The following MRTFA variants were observed in gnomAD, a reference collection of about 807,000 sequenced individuals.
MRTFA encodes myocardin-related transcription factor A.
In MRTFA, 20 loss-of-function variants were observed where a neutral mutation model predicts 83.5. The ratio of observed to expected loss-of-function variants is 0.24; its 90% CI spans 0.17 to 0.35. The LOEUF (loss-of-function observed/expected upper bound fraction) is 0.35. MRTFA is among the 10% of genes least tolerant of loss of function. The pLI is 1.00. For synonymous variants in MRTFA, 659 were observed against 541.2 expected, an observed-to-expected ratio of 1.22 and a Z score of -3.02; for missense variants, 1,200 against 1,224.7, an observed-to-expected ratio of 0.98 and a Z score of 0.30.
chr22:40,484,192 CTT>C (rs2054138554), intron 3 of MRTFA, among the ~76,000 whole-genome samples: 1 of 151,860 alleles, frequency 6.6e-6, no homozygotes, highest in African/African-American at 2.4e-5. Flanking sequence ...AATTCTCACT[CTT>C]CAGTCCTAAA....
chr22:40,440,691 G>T (rs756334376), intron 4 of MRTFA, among the ~76,000 whole-genome samples: 1 of 152,078 alleles, frequency 6.6e-6, no homozygotes, highest in East Asian at 1.9e-4. Context: ...TGTGTGTCCC[G>T]CCAGCTTTGT....
intron 7 of MRTFA, among the ~76,000 whole-genome samples, chr22:40,425,299 G>T (rs1280233718): frequency 6.6e-6 from 1 of 152,254 alleles, no homozygotes; most frequent in African/African-American, 2.4e-5. Context: ...CACTGTCGTG[G>T]GAAGAGGTGG....
chr22:40,535,772 G>A (rs1296787058), intron 3 of MRTFA, among the ~76,000 whole-genome samples: 1 of 152,190 alleles, frequency 6.6e-6, no homozygotes, highest in East Asian at 1.9e-4. Flanking sequence ...GAAGATGGTA[G>A]GAAGGGCAGA....
At chr22:40,588,750 A>C (rs1338695436) in intron 2 of MRTFA, among the ~76,000 whole-genome samples, 1 of 152,190 alleles carries the variant, frequency 6.6e-6, no homozygotes, top group Non-Finnish European at 1.5e-5. Flanking sequence ...GGGAAGCCAA[A>C]GGCAGAGGAC....
rs375153992 is a variant in MRTFA at position 40,419,302 on chromosome 22, G to C, written c.1436C>G (p.Ala479Gly). ...CACAGGGCTGATTTGGTCTTGATAG[G>C]CTCGAAGGCGCTCAATCAGCTCAGT... Residue 479 changes from alanine (A) to glycine (G), a missense_variant, in exon 12 of 15, where the codon GCC (alanine) becomes GGC (glycine). Physicochemically the swap from Ala to Gly is moderately conservative, Grantham distance 60. This residue lies in a region of MRTFA where 1,107 missense variants were observed against 1,041.8 expected (regional missense o/e 1.06). Coordinates refer to ENST00000355630, the MANE Select transcript of MRTFA (RefSeq NM_020831.6). The C allele has an allele frequency of 8.9e-5, 144 of 1,613,874 alleles. No homozygotes were observed. Among genetic ancestry groups the C allele is most frequent in the Non-Finnish European group, 1.2e-4 (139 of 1,180,022 alleles).
chr22:40,457,453 A>AGAAG (rs889401800), intron 4 of MRTFA, among the ~76,000 whole-genome samples: 1 of 139,102 alleles, frequency 7.2e-6, no homozygotes, highest in African/African-American at 2.8e-5. Context: ...AAAGAAAGAA[A>AGAAG]GAAAGAAAGA....
chr22:40,593,853 A>C (rs2056154705), intron 2 of MRTFA, among the ~76,000 whole-genome samples: 1 of 152,222 alleles, frequency 6.6e-6, no homozygotes, highest in Admixed American at 6.5e-5. Context: ...TTTGACTGTC[A>C]AGTTTACTCT....
At chr22:40,537,002 G>A (rs1212849580) in intron 3 of MRTFA, among the ~76,000 whole-genome samples, 4 of 68,234 alleles carry the variant, frequency 5.9e-5, no homozygotes, top group African/African-American at 1.4e-4. Flanking sequence ...CACCCCGTCC[G>A]GGAGGGAGGT....
chr22:40,576,373 A>C (rs2055868807), intron 2 of MRTFA, among the ~76,000 whole-genome samples: 1 of 152,172 alleles, frequency 6.6e-6, no homozygotes, highest in Non-Finnish European at 1.5e-5. Flanking sequence ...CAGTATATGA[A>C]TGAAATTATT....
At chr22:40,424,622 G>A (rs2092283167) in intron 7 of MRTFA, among the ~76,000 whole-genome samples, 1 of 152,184 alleles carries the variant, frequency 6.6e-6, no homozygotes, top group South Asian at 2.1e-4. Flanking sequence ...TGACCTCATG[G>A]GCCGAGCAAA....
intron 4 of MRTFA, among the ~76,000 whole-genome samples, chr22:40,443,929 GT>G (rs1235748044): frequency 1.3e-5 from 2 of 152,170 alleles, no homozygotes; most frequent in African/African-American, 4.8e-5. Flanking sequence ...CTGCCCAGTG[GT>G]AACAGCATGC....
At chr22:40,502,482 T>C (rs2054508773) in intron 3 of MRTFA, among the ~76,000 whole-genome samples, 2 of 136,624 alleles carry the variant, frequency 1.5e-5, no homozygotes, top group South Asian at 4.8e-4. Flanking sequence ...GCAGAGACGC[T>C]CCTCACTTCC....
intron 3 of MRTFA, among the ~76,000 whole-genome samples, chr22:40,506,979 G>C (rs191407762): frequency 1.3e-5 from 2 of 152,226 alleles, no homozygotes; most frequent in Non-Finnish European, 2.9e-5. Flanking sequence ...ATTATGGTTG[G>C]TGAATTCTGA....
chr22:40,417,269 G>A, intron 13 of MRTFA, 72 bp downstream of exon 13: 3 of 1,557,152 alleles, frequency 1.9e-6, no homozygotes, highest in South Asian at 1.2e-5. Flanking sequence ...CTCCGGGTGG[G>A]GCTGTAGGAG....
At chr22:40,478,736 A>G (rs2054039664) in intron 3 of MRTFA, among the ~76,000 whole-genome samples, 1 of 152,162 alleles carries the variant, frequency 6.6e-6, no homozygotes, top group African/African-American at 2.4e-5. Flanking sequence ...AACATGCAAC[A>G]TCTGGTGGAG....
intron 2 of MRTFA, among the ~76,000 whole-genome samples, chr22:40,552,602 T>C (rs2055458626): frequency 6.6e-6 from 1 of 152,182 alleles, no homozygotes; most frequent in Non-Finnish European, 1.5e-5. Flanking sequence ...TCTGCACTTC[T>C]CCTTCCTGCC....
At chr22:40,559,192 C>A (rs2055576892) in intron 2 of MRTFA, among the ~76,000 whole-genome samples, 3 of 152,156 alleles carry the variant, frequency 2.0e-5, no homozygotes, top group South Asian at 4.1e-4. Flanking sequence ...GAGCTCAAGA[C>A]AATCCTGGGC....
chr22:40,595,841 G>C (rs1409490996), intron 1 of MRTFA, among the ~76,000 whole-genome samples: 2 of 138,806 alleles, frequency 1.4e-5, no homozygotes, highest in Non-Finnish European at 3.1e-5. Context: ...AACAGAGACA[G>C]AATCAATGGT....
At chr22:40,617,237 G>A (rs570697064) in intron 1 of MRTFA, among the ~76,000 whole-genome samples, 2 of 150,110 alleles carry the variant, frequency 1.3e-5, no homozygotes, top group African/African-American at 4.9e-5. Context: ...CAGGGAGGCA[G>A]ACAGGCAAAA....
Sources: gnomAD v4.1 joint callset for allele counts (sites outside exome capture counted in the v4.1 genomes callset) on GRCh38, gnomAD v4.1.1 for gene constraint, gnomAD v4.1.1 regional missense constraint, MANE v1.5 for transcripts, NCBI Gene and HGNC (gene_info 2026-07-23, HGNC 2026-07-21) for gene names.